Variants in UGT1A3 observed in about 807,000 individuals in gnomAD.
UGT1A3 encodes the protein UDP-glucuronosyltransferase 1A3.
UGT1A3 carries 31 observed loss-of-function variants against 41.0 expected under a neutral mutation model. That is an observed-to-expected ratio of 0.76 (90% CI 0.57 to 1.02). The LOEUF (loss-of-function observed/expected upper bound fraction) is 1.02. UGT1A3 is among the 50% of genes least tolerant of loss of function. The pLI is 0.00. For missense variants in UGT1A3, 737 were observed against 671.0 expected, an observed-to-expected ratio of 1.10 and a Z score of -1.09; for synonymous variants, 262 against 257.6, an observed-to-expected ratio of 1.02 and a Z score of -0.17.
At chr2:233,766,162 G>A (rs1699058269) in intron 1 of UGT1A3, among the ~76,000 whole-genome samples, 1 of 152,198 alleles carries the variant, frequency 6.6e-6, no homozygotes, top group Non-Finnish European at 1.5e-5. Context: ...TGGAGAATGA[G>A]TGCAAGGATT....
intron 1 of UGT1A3, chr2:233,743,659 G>A (rs1692418215): frequency 1.5e-6 from 2 of 1,367,268 alleles, no homozygotes; most frequent in Non-Finnish European, 2.0e-6. Context: ...CGTACTCGAA[G>A]GGGTCCTCGA....
intron 1 of UGT1A3, among the ~76,000 whole-genome samples, chr2:233,731,521 G>T (rs1358049437): frequency 1.3e-5 from 2 of 152,162 alleles, no homozygotes; most frequent in African/African-American, 2.4e-5. Context: ...ACCTATGAGT[G>T]AGAACATGCG....
chr2:233,749,787 A>C (rs1694273187), intron 1 of UGT1A3, among the ~76,000 whole-genome samples: 1 of 151,760 alleles, frequency 6.6e-6, no homozygotes, highest in African/African-American at 2.4e-5. Context: ...ATAAGGGGCC[A>C]TTGTCCCTTC....
intron 1 of UGT1A3, among the ~76,000 whole-genome samples, chr2:233,745,523 G>C (rs530279744): frequency 6.6e-6 from 1 of 151,554 alleles, no homozygotes; most frequent in Non-Finnish European, 1.5e-5. Context: ...GGTCTAATGG[G>C]GATGTGTTAT....
intron 1 of UGT1A3, among the ~76,000 whole-genome samples, chr2:233,748,554 C>T (rs1045487950): frequency 2.0e-5 from 3 of 151,692 alleles, no homozygotes; most frequent in Non-Finnish European, 2.9e-5. Context: ...CCTAAGCACT[C>T]GCAGGAAGTA....
rs1301858882 is a variant in UGT1A3 at position 233,760,759 on chromosome 2, C to T, written c.868-6275C>T. 2.5e-6 allele frequency: 4 copies of T among 1,613,948 alleles called. No homozygotes were observed. In the African/African-American group the frequency reaches 4.0e-5, roughly 16 times the overall value. On this transcript the variant is annotated intron_variant, in intron 1 of 4. Transcript: ENST00000482026. Reference sequence around the variant, plus strand: ...GACGGACCCTTTCCTTCCTTGCAGCCCCATCGTGGCCCAGTACCTGTCTCT... The same window carrying T: ...GACGGACCCTTTCCTTCCTTGCAGCTCCATCGTGGCCCAGTACCTGTCTCT...
In UGT1A3 at chr2:233,769,368, G is replaced by T. The variant is rs1276563226; in HGVS notation, c.1307+929G>T. ...TGGGAAGAAGTGGTGGCCAGTGGTA[G>T]ATTTCATCCGACAATAGATACTGTG... On this transcript the variant is annotated intron_variant, in intron 4 of 4. Coordinates refer to ENST00000482026, the MANE Select transcript of UGT1A3 (RefSeq NM_019093.4). This position sits in a 1 kb window ranked among gnomAD's most constrained non-coding sequence, Gnocchi z 4.4. Among the ~76,000 whole-genome samples the T allele has an allele frequency of 6.6e-6, 1 of 152,222 alleles. No homozygotes were observed. The highest frequency in any genetic ancestry group is 1.5e-5 in the Non-Finnish European group (1 of 68,036).
rs770564267 is a variant in UGT1A3 at position 233,772,524 on chromosome 2, C to T, written c.1570C>T (p.Arg524Ter). ...GYRKCLGKKG[R>*]VKKAHKSKTH ...CCGGAAATGCTTGGGGAAAAAAGGG[C>T]GAGTTAAGAAAGCCCACAAATCCAA... The change falls in exon 5 of 5, where the codon CGA (arginine) becomes TGA (stop). Residue 524 changes from arginine to a stop codon, truncating the protein, a stop_gained. Transcript: ENST00000482026. LOFTEE classifies it high-confidence loss of function. 33 of 1,613,838 alleles carry T rather than the reference C, an allele frequency of 2.0e-5. No individual in the cohort carries two copies. Among genetic ancestry groups the T allele is most frequent in the Middle Eastern group, 1.6e-4 (1 of 6,084 alleles).
At chr2:233,770,172 C>T (rs1423898703) in intron 4 of UGT1A3, 4 of 152,218 alleles carry the variant, frequency 2.6e-5, no homozygotes, top group African/African-American at 9.7e-5. Flanking sequence ...TCAATGAGCT[C>T]AACTTATTAA....
At chr2:233,735,242 T>C (rs989843667) in intron 1 of UGT1A3, among the ~76,000 whole-genome samples, 1 of 152,236 alleles carries the variant, frequency 6.6e-6, no homozygotes, top group Non-Finnish European at 1.5e-5. Context: ...CTCTTGTTGT[T>C]GAATTGCTCC....
intron 3 of UGT1A3, 80 bp from the exon 4 acceptor site, chr2:233,768,140 A>G (rs573022476): frequency 9.8e-5 from 158 of 1,609,884 alleles, no homozygotes; most frequent in Non-Finnish European, 1.2e-4. Context: ...GAGTCTTTGG[A>G]GTGTTTTCAG....
At position 233,772,663 on chromosome 2, in the gene UGT1A3, A is replaced by G. The variant is rs1700540831; in HGVS notation, c.*104A>G. The G allele has an allele frequency of 5.2e-6, 8 of 1,539,906 alleles. No homozygotes were observed. Among genetic ancestry groups the G allele is most frequent in the Non-Finnish European group, 7.0e-6 (8 of 1,144,332 alleles). On this transcript the variant is annotated 3_prime_UTR_variant, in exon 5 of 5. Coordinates refer to ENST00000482026, the MANE Select transcript of UGT1A3 (RefSeq NM_019093.4). Reference sequence around the variant, plus strand: ...TTCATTTTATTCTTATTAAGGAAATACTTTGCATAAATTAATCAGCCCCAG... The same window carrying G: ...TTCATTTTATTCTTATTAAGGAAATGCTTTGCATAAATTAATCAGCCCCAG...
intron 1 of UGT1A3, among the ~76,000 whole-genome samples, chr2:233,741,083 A>G (rs1400996057): frequency 6.6e-6 from 1 of 151,938 alleles, no homozygotes; most frequent in Non-Finnish European, 1.5e-5. Flanking sequence ...TGTCTTTAAA[A>G]CAAACAAGCA....
At chr2:233,756,509 C>G (rs138449392) in intron 1 of UGT1A3, among the ~76,000 whole-genome samples, 3,057 of 152,098 alleles carry the variant, frequency 0.02, 61 homozygotes, top group Non-Finnish European at 0.029. Context: ...TATGGAGGGT[C>G]AAATGTGCAT....
At chr2:233,763,882 A>G (rs1279865944) in intron 1 of UGT1A3, among the ~76,000 whole-genome samples, 1 of 152,208 alleles carries the variant, frequency 6.6e-6, no homozygotes, top group Non-Finnish European at 1.5e-5. Flanking sequence ...GGTCTGAGAA[A>G]AATAACTAAA....
intron 1 of UGT1A3, among the ~76,000 whole-genome samples, chr2:233,736,696 G>T (rs2078794869): frequency 6.6e-6 from 1 of 152,182 alleles, no homozygotes. Flanking sequence ...TACAGATGGG[G>T]TTTTGGTGTA....
At chr2:233,741,446 CAGTG>C (rs1388534811) in intron 1 of UGT1A3, 2 of 149,546 alleles carry the variant, frequency 1.3e-5, no homozygotes, top group African/African-American at 2.6e-5. Flanking sequence ...GCAAACTACT[CAGTG>C]AGTATCTTCA....
At chr2:233,730,117 G>A (rs1389135246) in intron 1 of UGT1A3, 124 bp downstream of exon 1, 17 of 1,556,656 alleles carry the variant, frequency 1.1e-5, no homozygotes, top group Non-Finnish European at 1.5e-5. Context: ...GCTTCTCCTT[G>A]TCATAATAGC....
intron 1 of UGT1A3, chr2:233,748,136 T>A: frequency 6.2e-7 from 1 of 1,609,324 alleles, no homozygotes; most frequent in Non-Finnish European, 8.5e-7. Context: ...TTTTAAAAAT[T>A]GTATTTACTT....
Sources: gnomAD v4.1 joint callset for allele counts (sites outside exome capture counted in the v4.1 genomes callset) on GRCh38, gnomAD v4.1.1 for gene constraint, Gnocchi (gnomAD v3.1) non-coding constraint, MANE v1.5 for transcripts, NCBI Gene and HGNC (gene_info 2026-07-23, HGNC 2026-07-21) for gene names.